Variants in COMMD10 observed in about 807,000 individuals in gnomAD.
The protein encoded by COMMD10 is COMM domain containing 10, also known as COMM domain-containing protein 10.
In COMMD10, 33 loss-of-function variants were observed where a neutral mutation model predicts 28.9. The observed-to-expected ratio is 1.14, with a 90% CI of 0.87 to 1.53. COMMD10 has a LOEUF of 1.53. COMMD10 is among the 40% of genes most tolerant of loss of function. The probability of loss-of-function intolerance (pLI) is 0.00; values close to 1 mark genes in which losing one functional copy is unlikely to be tolerated. For synonymous variants in COMMD10, 110 were observed against 81.7 expected (o/e 1.35, Z -1.87); for missense variants, 310 against 233.4 (o/e 1.33, Z -2.14).
chr5:116,146,342 C>T (rs1469437630), intron 5 of COMMD10, among the ~76,000 whole-genome samples: 1 of 151,764 alleles, frequency 6.6e-6, no homozygotes, highest in Non-Finnish European at 1.5e-5. Context: ...GAGCCCATTA[C>T]CCCAGTGATA....
intron 5 of COMMD10, among the ~76,000 whole-genome samples, chr5:116,250,305 G>C (rs760091653): frequency 6.6e-6 from 1 of 151,628 alleles, no homozygotes; most frequent in Non-Finnish European, 1.5e-5. Context: ...TAATAATAAC[G>C]TGTTATCTTT....
chr5:116,134,166 T>G lies in COMMD10; in HGVS notation c.498T>G (p.Asn166Lys), dbSNP rs373245497. 1.3e-6 allele frequency: 2 copies of G among 1,594,162 alleles called. No individual in the cohort carries two copies. Among genetic ancestry groups the G allele is most frequent in the Admixed American group, 1.7e-5 (1 of 59,970 alleles). ...CTGTGTTACAACTCGGAGTGAACAA[T>G]GAAGATTCAAAGGTAAGAAATGGTA... The part of the protein sequence containing the change: ...PQAVLQLGVN[N>K]EDSKSLEKVL... Residue 166 changes from asparagine to lysine, a missense_variant, in exon 5 of 7, where the codon AAT (asparagine) becomes AAG (lysine). Physicochemically the swap from Asn to Lys is moderately conservative, Grantham distance 94. Coordinates refer to ENST00000274458, the MANE Select transcript of COMMD10 (RefSeq NM_016144.4).
At chr5:116,236,024 G>A (rs1749651534) in intron 5 of COMMD10, among the ~76,000 whole-genome samples, 1 of 151,936 alleles carries the variant, frequency 6.6e-6, no homozygotes. Context: ...TTTATTTGCG[G>A]CATTATGTTA....
Position 116,292,519 on chromosome 5 carries a change from C to G in COMMD10, c.*30C>G. On this transcript the variant is annotated 3_prime_UTR_variant, in exon 7 of 7. Coordinates refer to ENST00000274458, the MANE Select transcript of COMMD10 (RefSeq NM_016144.4). ...TTCGAAGACTGTTTTTTTCATCACGCTCCTGCCACCTCATTATTTTGCATT... is the reference window on the plus strand; with the variant it reads ...TTCGAAGACTGTTTTTTTCATCACGGTCCTGCCACCTCATTATTTTGCATT... 1 of 1,556,438 alleles carries G rather than the reference C, an allele frequency of 6.4e-7. No individual in the cohort carries two copies. The highest frequency in any genetic ancestry group is 1.8e-5 in the Admixed American group (1 of 55,798).
chr5:116,130,056 A>T (rs987901124), intron 4 of COMMD10, among the ~76,000 whole-genome samples: 2 of 151,602 alleles, frequency 1.3e-5, no homozygotes, highest in Admixed American at 6.6e-5. Flanking sequence ...ATATTTTTCA[A>T]TGACAAAGTT....
chr5:116,134,212 T>G (rs1231096830), intron 5 of COMMD10, 34 bp downstream of exon 5: 2 of 1,284,344 alleles, frequency 1.6e-6, no homozygotes, highest in East Asian at 4.6e-5. Context: ...AGGATGTATT[T>G]TGTTTGTTAG....
chr5:116,172,537 C>T (rs886647802), intron 5 of COMMD10, among the ~76,000 whole-genome samples: 3 of 152,030 alleles, frequency 2.0e-5, no homozygotes, highest in Admixed American at 1.3e-4. Context: ...TGTTATCTAC[C>T]CTAGGTCGGA....
intron 5 of COMMD10, among the ~76,000 whole-genome samples, chr5:116,142,937 G>A (rs1260035647): frequency 6.6e-6 from 1 of 151,378 alleles, no homozygotes; most frequent in Non-Finnish European, 1.5e-5. Flanking sequence ...TGTGACTCTG[G>A]TTTCCTGATT....
chr5:116,180,332 T>C (rs1313386459), intron 5 of COMMD10, among the ~76,000 whole-genome samples: 3 of 152,126 alleles, frequency 2.0e-5, no homozygotes, highest in Non-Finnish European at 4.4e-5. Flanking sequence ...ATCCATTGCT[T>C]AGGATATATT....
rs4392665 is a variant in COMMD10, at chr5:116,256,244, C to T, written c.511-35273C>T. On this transcript the variant is annotated intron_variant, in intron 5 of 6. Coordinates refer to ENST00000274458, the MANE Select transcript of COMMD10 (RefSeq NM_016144.4). Reference sequence around the variant, plus strand: ...TCCAAAATGATTTTGAATCACCGTTCGGACAGATCTTGAAGACTAGTGGAA... The same window carrying T: ...TCCAAAATGATTTTGAATCACCGTTTGGACAGATCTTGAAGACTAGTGGAA... Among the ~76,000 whole-genome samples, 37 of 151,676 alleles carry T rather than the reference C, an allele frequency of 2.4e-4. 1 individual carries two copies. In the South Asian group the frequency reaches 5.2e-3, roughly 21 times the overall value.
chr5:116,252,125 T>C lies in COMMD10; in HGVS notation c.511-39392T>C, dbSNP rs1180400302. On this transcript the variant is annotated intron_variant, in intron 5 of 6. Transcript: ENST00000274458. Reference sequence around the variant, plus strand: ...TTGAGAAGTGTCTGTTCATGTCCTTTGCCCACTTTTTGATGGGGTTGTTTG... The same window carrying C: ...TTGAGAAGTGTCTGTTCATGTCCTTCGCCCACTTTTTGATGGGGTTGTTTG... Among the ~76,000 whole-genome samples the C allele has an allele frequency of 3.6e-4, 54 of 148,362 alleles. 1 individual carries two copies. The highest frequency in any genetic ancestry group is 1.8e-3 in the East Asian group (9 of 5,084).
chr5:116,166,178 A>T (rs1377301208), intron 5 of COMMD10, among the ~76,000 whole-genome samples: 1 of 149,522 alleles, frequency 6.7e-6, no homozygotes, highest in Non-Finnish European at 1.5e-5. Flanking sequence ...TGTTCCTCAG[A>T]GTTGTTACTG....
intron 5 of COMMD10, among the ~76,000 whole-genome samples, chr5:116,244,658 T>TACAAAAAAAAAAAAAAAAAAAAAAATA (rs1749894773): frequency 2.1e-5 from 1 of 48,606 alleles, no homozygotes; most frequent in Non-Finnish European, 4.2e-5. Context: ...AAAAAAAAAT[T>TACAAAAAAAAAAAAAAAAAAAAAAATA]ACAAAAAAAA....
At chr5:116,194,251 A>G (rs180960022) in intron 5 of COMMD10, among the ~76,000 whole-genome samples, 3 of 152,280 alleles carry the variant, frequency 2.0e-5, no homozygotes, top group East Asian at 3.9e-4. Context: ...CCAAGGTCAC[A>G]CTTCAAGGAA....
At chr5:116,142,089 G>T (rs1035654349) in intron 5 of COMMD10, among the ~76,000 whole-genome samples, 5 of 151,678 alleles carry the variant, frequency 3.3e-5, no homozygotes, top group African/African-American at 1.2e-4. Context: ...AAAGATGCAG[G>T]TAATCCATTT....
intron 4 of COMMD10, among the ~76,000 whole-genome samples, chr5:116,120,863 A>G (rs1751406252): frequency 1.3e-5 from 2 of 152,016 alleles, no homozygotes; most frequent in Admixed American, 1.3e-4. Context: ...GCTATTATGA[A>G]TAAACCTAAT....
At chr5:116,176,252 C>T (rs1482836842) in intron 5 of COMMD10, among the ~76,000 whole-genome samples, 1 of 152,172 alleles carries the variant, frequency 6.6e-6, no homozygotes, top group Admixed American at 6.5e-5. Context: ...GCTGAGATTA[C>T]AGGCATGTGC....
At chr5:116,273,701 A>T (rs2112700028) in intron 5 of COMMD10, among the ~76,000 whole-genome samples, 1 of 151,820 alleles carries the variant, frequency 6.6e-6, no homozygotes, top group Non-Finnish European at 1.5e-5. Flanking sequence ...GCAAAAGCTG[A>T]ACAGTCCAGT....
chr5:116,291,413 C>A, intron 5 of COMMD10, 104 bp from the exon 6 acceptor site: 1 of 796,400 alleles, frequency 1.3e-6, no homozygotes, highest in Non-Finnish European at 2.1e-6. Context: ...TTTAAAACCA[C>A]TCAGAGGACA....
Sources: allele counts gnomAD v4.1 joint callset (sites outside exome capture counted in the v4.1 genomes callset), GRCh38; gene constraint gnomAD v4.1.1; transcripts MANE v1.5; gene names NCBI Gene and HGNC (gene_info 2026-07-23, HGNC 2026-07-21).